The following CFAP54 variants were observed in gnomAD, a reference collection of about 807,000 sequenced individuals.
The protein encoded by CFAP54 is cilia and flagella associated protein 54.
In CFAP54, 290 loss-of-function variants were observed where a neutral mutation model predicts 370.4. That is an observed-to-expected ratio of 0.78 (90% CI 0.71 to 0.86). The LOEUF (loss-of-function observed/expected upper bound fraction) is 0.86. CFAP54 is among the 40% of genes least tolerant of loss of function. The pLI is 0.00. For missense variants in CFAP54, 3,399 were observed against 3,528.7 expected, an observed-to-expected ratio of 0.96 and a Z score of 0.93; for synonymous variants, 1,206 against 1,236.5, an observed-to-expected ratio of 0.98 and a Z score of 0.52.
chr12:96,644,443 GTTTCATGAACATGGATTGTA>G, intron 33 of CFAP54, 35 bp downstream of exon 33: 13 of 1,388,272 alleles, frequency 9.4e-6, no homozygotes, highest in Non-Finnish European at 1.3e-5. Flanking sequence ...TACTTTTTTA[GTTTCATGAACATGGATTGTA>G]TTTGTATGTT....
intron 12 of CFAP54, among the ~76,000 whole-genome samples, chr12:96,536,628 T>TTTTC (rs1373645737): frequency 2.0e-4 from 27 of 136,116 alleles, no homozygotes; most frequent in African/African-American, 7.4e-4. Context: ...TTCTTTTTCT[T>TTTTC]TTTTTTTTTT....
chr12:96,756,924 A>G (rs1019338), intron 57 of CFAP54, among the ~76,000 whole-genome samples: 54,883 of 151,916 alleles, frequency 0.36, 10,773 homozygotes, highest in East Asian at 0.58. Flanking sequence ...CATCAGGACC[A>G]GGACTGGCCA....
intron 13 of CFAP54, 148 bp downstream of exon 13, chr12:96,538,666 C>T (rs1955535979): frequency 1.3e-6 from 1 of 755,176 alleles, no homozygotes; most frequent in African/African-American, 1.8e-5. Flanking sequence ...GATATTCTTT[C>T]TAGCGCTGAG....
intron 66 of CFAP54, among the ~76,000 whole-genome samples, chr12:96,846,767 G>A (rs1959366396): frequency 6.6e-6 from 1 of 152,174 alleles, no homozygotes; most frequent in Admixed American, 6.5e-5. Flanking sequence ...TGCAGACTGG[G>A]TGCCAAGGAG....
At chr12:96,838,043 A>G (rs34440) in intron 66 of CFAP54, among the ~76,000 whole-genome samples, 22,220 of 152,248 alleles carry the variant, frequency 0.15, 1,975 homozygotes, top group Middle Eastern at 0.27. Context: ...CTTATGGCCC[A>G]TAATTACAAA....
At chr12:96,520,625 AC>A (rs1955297435) in intron 6 of CFAP54, among the ~76,000 whole-genome samples, 1 of 152,204 alleles carries the variant, frequency 6.6e-6, no homozygotes, top group African/African-American at 2.4e-5. Flanking sequence ...ATTATGTGAC[AC>A]CTGGCTTGGT....
chr12:96,744,042 T>C lies in CFAP54; in HGVS notation c.7580T>C (p.Ile2527Thr), dbSNP rs764243630. ...TEQMLAFGET[I>T]EFRSSNTKYA... ...TAGATGCTAGCTTTTGGAGAAACAA[T>C]TGAATTTCGTTCATCAAACACTAAA... Residue 2527 changes from isoleucine to threonine, a missense_variant, in exon 55 of 68, where the codon ATT (isoleucine) becomes ACT (threonine). Ile to Thr is a moderately conservative substitution (Grantham distance 89). Coordinates refer to ENST00000524981, the MANE Select transcript of CFAP54 (RefSeq NM_001306084.2). 1 of 1,610,724 alleles carries C rather than the reference T, an allele frequency of 6.2e-7. No individual in the cohort carries two copies. Among genetic ancestry groups the C allele is most frequent in the Non-Finnish European group, 8.5e-7 (1 of 1,178,828 alleles).
In CFAP54 at chr12:96,743,907, A is replaced by G; in HGVS notation, c.7554A>G (p.Glu2518=). The change falls in exon 54 of 68, where the codon GAA becomes GAG. Residue 2518 remains glutamate, a synonymous_variant. Transcript: ENST00000524981. ...CTCGGGCTCATAGCATTCTAACTGAACAGGTGAGAATGCTTTTGTGTCTGC... is the reference window on the plus strand; with the variant it reads ...CTCGGGCTCATAGCATTCTAACTGAGCAGGTGAGAATGCTTTTGTGTCTGC... ...LLTRAHSILT[E]QMLAFGETIE... is the part of the protein sequence containing the mutation. 1 of 1,611,400 alleles carries G rather than the reference A, an allele frequency of 6.2e-7. No homozygotes were observed. The highest frequency in any genetic ancestry group is 1.1e-5 in the South Asian group (1 of 90,460).
At chr12:96,851,788 T>C (rs1959553536) in intron 66 of CFAP54, among the ~76,000 whole-genome samples, 1 of 152,068 alleles carries the variant, frequency 6.6e-6, no homozygotes, top group Admixed American at 6.6e-5. Context: ...TTAAAAAACC[T>C]TCCTGTCTCC....
intron 21 of CFAP54, 73 bp downstream of exon 21, chr12:96,580,762 G>T: frequency 8.6e-7 from 1 of 1,163,474 alleles, no homozygotes; most frequent in Non-Finnish European, 1.2e-6. Flanking sequence ...TGAAGTCATT[G>T]TTTTGGTGAA....
chr12:96,558,696 CCTCT>C (rs921292856), intron 17 of CFAP54, among the ~76,000 whole-genome samples: 3 of 151,440 alleles, frequency 2.0e-5, no homozygotes, highest in Admixed American at 1.3e-4. Context: ...AAACTAGACC[CCTCT>C]CTCTCTCACC....
In CFAP54 at chr12:96,597,970, T is replaced by C. The variant is rs973084902; in HGVS notation, c.3517-675T>C. Among the ~76,000 whole-genome samples the C allele has an allele frequency of 4.0e-5, 6 of 151,790 alleles. No homozygotes were observed. In the East Asian group the frequency reaches 1.2e-3, roughly 29 times the overall value. ...CTTAGAGATGAGTGTACTGTAACAA[T>C]AGTAACAGTATTGTTAGAATGAGAG... On this transcript the variant is annotated intron_variant, in intron 25 of 67. Coordinates refer to ENST00000524981, the MANE Select transcript of CFAP54 (RefSeq NM_001306084.2).
intron 11 of CFAP54, among the ~76,000 whole-genome samples, chr12:96,534,790 C>T (rs1418524619): frequency 1.3e-5 from 2 of 152,102 alleles, no homozygotes; most frequent in Admixed American, 6.6e-5. Context: ...TTATCAGTTG[C>T]AGTAAGTAAT....
chr12:96,489,809 C>G lies in CFAP54; in HGVS notation c.200C>G (p.Ala67Gly). The change falls in exon 1 of 68, where the codon GCG becomes GGG. Residue 67 changes from alanine to glycine, a missense_variant. By Grantham distance (60) the Ala-to-Gly change is moderately conservative. Transcript: ENST00000524981. ...GCCGTGTTTTATGGGCCGCTGGACGCGAAAAACCCGCTCCTGGCCTCTTGT... is the reference window on the plus strand; with the variant it reads ...GCCGTGTTTTATGGGCCGCTGGACGGGAAAAACCCGCTCCTGGCCTCTTGT... ...PLAVFYGPLD[A>G]KNPLLASCEK... is the part of the protein sequence containing the mutation. 6.5e-7 allele frequency: 1 copy of G among 1,536,038 alleles called. No individual in the cohort carries two copies. Among genetic ancestry groups the G allele is most frequent in the Non-Finnish European group, 8.7e-7 (1 of 1,146,906 alleles).
chr12:96,864,159 T>C (rs902007081), intron 67 of CFAP54, among the ~76,000 whole-genome samples: 1 of 152,230 alleles, frequency 6.6e-6, no homozygotes, highest in Non-Finnish European at 1.5e-5. Context: ...TTTAAAAATA[T>C]ACAGTATCTG....
At chr12:96,739,930 C>A in intron 50 of CFAP54, 26 bp from the exon 51 acceptor site, 1 of 1,274,694 alleles carries the variant, frequency 7.8e-7, no homozygotes, top group East Asian at 2.3e-5. Flanking sequence ...ATACTGATAA[C>A]ATTTAAAATA....
Position 96,691,146 on chromosome 12 carries a change from C to T in CFAP54, c.6100C>T (p.Leu2034Phe). Residue 2034 changes from leucine (L) to phenylalanine (F), a missense_variant, in exon 44 of 68, where the codon CTT becomes TTT. Physicochemically the swap from Leu to Phe is conservative, Grantham distance 22. Transcript: ENST00000524981. ...LLFQGLLRTT[L>F]PHPKAERCYA... ...TTTTCAGGGTTTGCTTAGAACAACA[C>T]TTCCACATCCCAAAGCTGAACGTTG... The T allele has an allele frequency of 2.5e-6, 4 of 1,613,396 alleles. No homozygotes were observed. The highest frequency in any genetic ancestry group is 3.4e-6 in the Non-Finnish European group (4 of 1,179,684).
chr12:96,718,318 C>T, intron 48 of CFAP54, 125 bp from the exon 49 acceptor site: 1 of 589,518 alleles, frequency 1.7e-6, no homozygotes, highest in Non-Finnish European at 3.1e-6. Flanking sequence ...GAGATTGTGC[C>T]ACTGTGCTCC....
intron 39 of CFAP54, among the ~76,000 whole-genome samples, chr12:96,664,807 A>ATATC (rs1565934625): frequency 8.7e-5 from 2 of 23,112 alleles, no homozygotes; most frequent in African/African-American, 2.1e-4. Context: ...ATATATATAT[A>ATATC]TATATAGATA....
Sources: gnomAD v4.1 joint callset for allele counts (sites outside exome capture counted in the v4.1 genomes callset) on GRCh38, gnomAD v4.1.1 for gene constraint, MANE v1.5 for transcripts, NCBI Gene and HGNC (gene_info 2026-07-23, HGNC 2026-07-21) for gene names.